Variants in HCN1 observed in about 807,000 individuals in gnomAD.
The protein encoded by HCN1 is hyperpolarization activated cyclic nucleotide gated potassium channel 1.
Under a neutral mutation model 78.9 loss-of-function variants are expected in HCN1, and 13 were observed. The ratio of observed to expected loss-of-function variants is 0.16; its 90% CI spans 0.11 to 0.26. HCN1 has a LOEUF of 0.26. Ranked by LOEUF, HCN1 falls within the 10% of genes least tolerant of loss-of-function variation. The pLI, the probability that HCN1 is intolerant of heterozygous loss-of-function variation, is 1.00. For synonymous variants in HCN1, 552 were observed against 455.5 expected (o/e 1.21, Z -2.70); for missense variants, 810 against 1,154.3 (o/e 0.70, Z 4.32).
In HCN1 at chr5:45,353,157, T is replaced by C. The variant is rs375902844; in HGVS notation, c.1320A>G (p.Gln440=). ...TATTTTCCTCATCAAAGATTTTGCCTTGGTATCTGTGTTCATAGTAATCAT... is the reference window on the plus strand; with the variant it reads ...TATTTTCCTCATCAAAGATTTTGCCCTGGTATCTGTGTTCATAGTAATCAT... ...KIHDYYEHRY[Q]GKIFDEENIL... The change falls in exon 5 of 8, where the codon CAA becomes CAG. Residue 440 remains glutamine, a synonymous_variant. Coordinates refer to ENST00000303230, the MANE Select transcript of HCN1 (RefSeq NM_021072.4). 6 of 1,611,576 alleles carry C rather than the reference T, an allele frequency of 3.7e-6. No homozygotes were observed. Among genetic ancestry groups the C allele is most frequent in the Non-Finnish European group, 3.4e-6 (4 of 1,178,336 alleles).
chr5:45,283,231 G>A (rs189300853), intron 6 of HCN1, among the ~76,000 whole-genome samples: 4 of 152,048 alleles, frequency 2.6e-5, no homozygotes, highest in South Asian at 2.1e-4. Context: ...ATATAGGAAC[G>A]GCCAAATATT....
chr5:45,333,012 G>C (rs541955626), intron 5 of HCN1, among the ~76,000 whole-genome samples: 8 of 151,758 alleles, frequency 5.3e-5, no homozygotes, highest in African/African-American at 1.9e-4. Flanking sequence ...CCCAGCAGTG[G>C]GATTGCTGGA....
At chr5:45,355,485 G>C (rs1426839961) in intron 4 of HCN1, among the ~76,000 whole-genome samples, 1 of 151,912 alleles carries the variant, frequency 6.6e-6, no homozygotes, top group African/African-American at 2.4e-5. Context: ...CATAATCGCT[G>C]CTATATGCCA....
At chr5:45,320,649 C>T (rs1213022209) in intron 5 of HCN1, among the ~76,000 whole-genome samples, 1 of 151,442 alleles carries the variant, frequency 6.6e-6, no homozygotes, top group East Asian at 1.9e-4. Flanking sequence ...TGAGAAGCCA[C>T]CTTAACCTTT....
chr5:45,291,491 C>T (rs1745374653), intron 6 of HCN1, among the ~76,000 whole-genome samples: 1 of 152,028 alleles, frequency 6.6e-6, no homozygotes, highest in Non-Finnish European at 1.5e-5. Context: ...TGTTATTCCC[C>T]ATGCTGATAA....
intron 2 of HCN1, among the ~76,000 whole-genome samples, chr5:45,562,357 A>C (rs1743622107): frequency 6.6e-6 from 1 of 152,110 alleles, no homozygotes; most frequent in African/African-American, 2.4e-5. Context: ...AAACCCTAGA[A>C]AAATCTCTTG....
intron 2 of HCN1, among the ~76,000 whole-genome samples, chr5:45,511,854 G>T (rs1432885902): frequency 1.3e-5 from 2 of 152,132 alleles, no homozygotes; most frequent in African/African-American, 4.8e-5. Flanking sequence ...TTCGTCAGAT[G>T]TATCAGAGTA....
chr5:45,262,468 T>C lies in HCN1; in HGVS notation c.2126A>G (p.Gln709Arg). 6.2e-7 allele frequency: 1 copy of C among 1,612,594 alleles called. No individual in the cohort carries two copies. The highest frequency in any genetic ancestry group is 8.5e-7 in the Non-Finnish European group (1 of 1,179,636). The change falls in exon 8 of 8, where the codon CAG (glutamine) becomes CGG (arginine). Residue 709 changes from glutamine to arginine, a missense_variant. By Grantham distance (43) the Gln-to-Arg change is conservative. Transcript: ENST00000303230. ...YTTAVCSPPVQSPLAARTFHY... is the reference protein window; with the variant it reads ...YTTAVCSPPVRSPLAARTFHY... Reference sequence around the variant, plus strand: ...GAAAGTTCGAGCGGCCAGAGGGCTCTGTACAGGAGGGCTGCAGACCGCGGT... The same window carrying C: ...GAAAGTTCGAGCGGCCAGAGGGCTCCGTACAGGAGGGCTGCAGACCGCGGT...
intron 3 of HCN1, among the ~76,000 whole-genome samples, chr5:45,443,926 G>A (rs1740732309): frequency 6.6e-6 from 1 of 152,014 alleles, no homozygotes; most frequent in Non-Finnish European, 1.5e-5. Flanking sequence ...TTTCAGTCAA[G>A]GATTTCATCA....
chr5:45,680,315 A>C (rs1739679325), intron 1 of HCN1, among the ~76,000 whole-genome samples: 1 of 152,158 alleles, frequency 6.6e-6, no homozygotes, highest in Admixed American at 6.6e-5. Context: ...TGAACAAGTA[A>C]AGAATTGCTA....
intron 2 of HCN1, among the ~76,000 whole-genome samples, chr5:45,494,259 C>A (rs887934039): frequency 5.3e-5 from 8 of 152,048 alleles, no homozygotes; most frequent in South Asian, 2.1e-4. Context: ...CTCTCCAGCA[C>A]CTGTTGTTTC....
At chr5:45,585,613 GT>G (rs1253306703) in intron 2 of HCN1, among the ~76,000 whole-genome samples, 1 of 152,128 alleles carries the variant, frequency 6.6e-6, no homozygotes, top group East Asian at 1.9e-4. Context: ...GATTTTTAGA[GT>G]TTCTAGCTTT....
At chr5:45,381,263 T>C (rs1747801758) in intron 4 of HCN1, among the ~76,000 whole-genome samples, 1 of 152,130 alleles carries the variant, frequency 6.6e-6, no homozygotes, top group Non-Finnish European at 1.5e-5. Context: ...AGCAGAAACC[T>C]ATCCTACGAT....
chr5:45,492,080 C>A (rs963293187), intron 2 of HCN1, among the ~76,000 whole-genome samples: 8 of 152,058 alleles, frequency 5.3e-5, no homozygotes, highest in African/African-American at 1.9e-4. Context: ...TCATGCTTCA[C>A]AAGCAGCAGA....
intron 2 of HCN1, 27 bp downstream of exon 2, chr5:45,645,158 T>C: frequency 6.5e-7 from 1 of 1,535,792 alleles, no homozygotes; most frequent in Non-Finnish European, 9.0e-7. Flanking sequence ...ATGATATAGA[T>C]TTAAAAAAGA....
In HCN1 at chr5:45,267,261, A is replaced by C. The variant is rs757898051; in HGVS notation, c.1619-8T>G. The C allele has an allele frequency of 6.2e-7, 1 of 1,613,514 alleles. No individual in the cohort carries two copies. The highest frequency in any genetic ancestry group is 8.5e-7 in the Non-Finnish European group (1 of 1,179,554). On this transcript the variant is annotated splice_polypyrimidine_tract_variant and splice_region_variant and intron_variant, in intron 6 of 7. Transcript: ENST00000303230. ...TGGTCAGCAGGCAAATCTCTATAAA[A>C]ACAAACAACAAAGAAGAATGACTTG... is the stretch of plus-strand genomic sequence containing the variant.
intron 2 of HCN1, among the ~76,000 whole-genome samples, chr5:45,522,154 CTT>C (rs1742626652): frequency 6.6e-6 from 1 of 151,854 alleles, no homozygotes; most frequent in Admixed American, 6.6e-5. Context: ...TAGAAATTTA[CTT>C]TCTTAACAGT....
intron 2 of HCN1, among the ~76,000 whole-genome samples, chr5:45,468,215 GA>G (rs1741318737): frequency 6.6e-6 from 1 of 152,068 alleles, no homozygotes; most frequent in Non-Finnish European, 1.5e-5. Flanking sequence ...CAGATATGAT[GA>G]TACCTTTGAA....
At chr5:45,626,623 G>A (rs1745168304) in intron 2 of HCN1, among the ~76,000 whole-genome samples, 2 of 152,128 alleles carry the variant, frequency 1.3e-5, no homozygotes. Context: ...CTAAGATTGG[G>A]GAGGCAGAGA....
Sources: allele counts gnomAD v4.1 joint callset (sites outside exome capture counted in the v4.1 genomes callset), GRCh38; gene constraint gnomAD v4.1.1; transcripts MANE v1.5; gene names NCBI Gene and HGNC (gene_info 2026-07-23, HGNC 2026-07-21).